The following ARHGEF12 variants were observed in gnomAD, a reference collection of about 807,000 sequenced individuals.
ARHGEF12 encodes Rho guanine nucleotide exchange factor 12.
Under a neutral mutation model 211.2 loss-of-function variants are expected in ARHGEF12, and 66 were observed. That is an observed-to-expected ratio of 0.31 (90% CI 0.26 to 0.38). The LOEUF is 0.38. Ranked by LOEUF, ARHGEF12 falls within the 10% of genes least tolerant of loss-of-function variation. The pLI, the probability that ARHGEF12 is intolerant of heterozygous loss-of-function variation, is 1.00. For missense variants in ARHGEF12, 1,429 were observed against 1,869.5 expected (o/e 0.76, Z 4.34); for synonymous variants, 592 against 638.4 (o/e 0.93, Z 1.09).
chr11:120,474,705 A>C, intron 32 of ARHGEF12, 70 bp downstream of exon 32: 1 of 1,235,338 alleles, frequency 8.1e-7, no homozygotes, highest in Non-Finnish European at 1.2e-6. Context: ...GTTTCCTATG[A>C]CAAAGGGAAG....
chr11:120,382,240 T>C (rs1229098978), intron 1 of ARHGEF12, among the ~76,000 whole-genome samples: 2 of 152,252 alleles, frequency 1.3e-5, no homozygotes, highest in African/African-American at 2.4e-5. Context: ...ACTCTGTGTT[T>C]AACTTTCGAC....
chr11:120,379,925 T>C (rs960730516), intron 1 of ARHGEF12, among the ~76,000 whole-genome samples: 3 of 152,222 alleles, frequency 2.0e-5, no homozygotes, highest in African/African-American at 7.2e-5. Context: ...AGTTTTCTTG[T>C]AATGTCATTG....
At chr11:120,398,464 G>A (rs988527398) in intron 1 of ARHGEF12, among the ~76,000 whole-genome samples, 1 of 152,120 alleles carries the variant, frequency 6.6e-6, no homozygotes. Context: ...AGTGTAAAAT[G>A]GCATGCATAT....
chr11:120,423,295 G>A (rs11823264), intron 6 of ARHGEF12, among the ~76,000 whole-genome samples: 29,939 of 152,032 alleles, frequency 0.2, 3,156 homozygotes, highest in African/African-American at 0.25. Context: ...TCATGAGTTC[G>A]TTGTGAGTAT....
intron 1 of ARHGEF12, among the ~76,000 whole-genome samples, chr11:120,342,816 A>T (rs1230101452): frequency 1.3e-5 from 2 of 152,346 alleles, no homozygotes; most frequent in Non-Finnish European, 2.9e-5. Context: ...AATGTAACAA[A>T]TGTTATCAAT....
chr11:120,428,107 C>G lies in ARHGEF12; in HGVS notation c.445C>G (p.Pro149Ala). Residue 149 changes from proline to alanine, a missense_variant, in exon 8 of 41, where the codon CCT (proline) becomes GCT (alanine). Pro to Ala is a conservative substitution (Grantham distance 27, BLOSUM62 -1). Transcript: ENST00000397843. ...YVALTVQGRP[P>A]GSPQIPLADS... ...AGCTCTCACTGTTCAGGGACGCCCA[C>G]CTGGGTCGCCCCAGATTCCACTTGC... 6.2e-7 allele frequency: 1 copy of G among 1,608,200 alleles called. No homozygotes were observed. The highest frequency in any genetic ancestry group is 8.5e-7 in the Non-Finnish European group (1 of 1,177,584).
intron 1 of ARHGEF12, among the ~76,000 whole-genome samples, chr11:120,388,259 G>T (rs1388364950): frequency 6.6e-6 from 1 of 152,086 alleles, no homozygotes; most frequent in Non-Finnish European, 1.5e-5. Context: ...CTTTTACTCT[G>T]CATAATTATT....
In ARHGEF12 at chr11:120,458,215, A is replaced by G. The variant is rs770870380; in HGVS notation, c.2361A>G (p.Lys787=). 6.2e-7 allele frequency: 1 copy of G among 1,613,768 alleles called. No individual in the cohort carries two copies. The highest frequency in any genetic ancestry group is 2.2e-5 in the East Asian group (1 of 44,852). The change falls in exon 25 of 41, where the codon AAA becomes AAG. Residue 787 remains lysine (K), a synonymous_variant. Transcript: ENST00000397843. ...VLLGLKPCEI[K]RQEVINELFY... ...TGGGACTAAAACCTTGTGAAATCAAAAGACAGGAAGTGATTAATGGTGAGT... is the reference window on the plus strand; with the variant it reads ...TGGGACTAAAACCTTGTGAAATCAAGAGACAGGAAGTGATTAATGGTGAGT...
At chr11:120,472,803 C>T (rs1325931255) in intron 30 of ARHGEF12, among the ~76,000 whole-genome samples, 1 of 151,988 alleles carries the variant, frequency 6.6e-6, no homozygotes, top group Non-Finnish European at 1.5e-5. Flanking sequence ...CACAGGCGCC[C>T]GCCACCATGC....
chr11:120,474,159 G>A (rs528585411), intron 31 of ARHGEF12, among the ~76,000 whole-genome samples: 4 of 152,278 alleles, frequency 2.6e-5, no homozygotes, highest in African/African-American at 9.6e-5. Context: ...TTTGAAATTA[G>A]AGCCTTGGAA....
chr11:120,409,132 G>T (rs1047463262), intron 3 of ARHGEF12: 6 of 428,208 alleles, frequency 1.4e-5, no homozygotes, highest in South Asian at 3.3e-5. Flanking sequence ...CAATTATCAG[G>T]TGATATATTT....
intron 24 of ARHGEF12, 103 bp from the exon 25 acceptor site, chr11:120,457,977 G>A: frequency 7.2e-7 from 1 of 1,382,738 alleles, no homozygotes; most frequent in East Asian, 2.5e-5. Flanking sequence ...TGCTAAGTCA[G>A]ATTCAGGAAT....
intron 4 of ARHGEF12, among the ~76,000 whole-genome samples, chr11:120,417,435 G>A (rs1402891894): frequency 6.6e-6 from 1 of 151,412 alleles, no homozygotes; most frequent in Non-Finnish European, 1.5e-5. Context: ...AAGGGAGGTT[G>A]TGAAATATTT....
chr11:120,417,832 A>G (rs1305756697), intron 4 of ARHGEF12, among the ~76,000 whole-genome samples: 1 of 152,206 alleles, frequency 6.6e-6, no homozygotes, highest in Non-Finnish European at 1.5e-5. Context: ...GCTAGAATTT[A>G]TAAAGAATGC....
At chr11:120,342,897 T>C (rs891339958) in intron 1 of ARHGEF12, among the ~76,000 whole-genome samples, 5 of 152,220 alleles carry the variant, frequency 3.3e-5, no homozygotes, top group South Asian at 2.1e-4. Flanking sequence ...TGTTGCAATA[T>C]GATGAAATAC....
chr11:120,440,535 A>G (rs1169960021), intron 13 of ARHGEF12, among the ~76,000 whole-genome samples: 1 of 152,304 alleles, frequency 6.6e-6, no homozygotes, highest in Admixed American at 6.5e-5. Flanking sequence ...AAGGAATATG[A>G]TTAGCTAGAT....
chr11:120,471,867 C>A (rs2135958908), intron 30 of ARHGEF12, among the ~76,000 whole-genome samples: 1 of 152,222 alleles, frequency 6.6e-6, no homozygotes, highest in Non-Finnish European at 1.5e-5. Context: ...TGTACATACC[C>A]TTTGATCCAA....
In ARHGEF12 at chr11:120,361,472, G is replaced by A. The variant is rs186425605; in HGVS notation, c.32+24197G>A. The stretch of plus-strand genomic sequence containing the variant: ...CCGTCCCTGGTGCCAAAAAGGTTGG[G>A]GTCTGCTCATCTATAGAATCTATTC... On this transcript the variant is annotated intron_variant, in intron 1 of 40. Transcript: ENST00000397843. Among the ~76,000 whole-genome samples, 6 of 152,234 alleles carry A rather than the reference G, an allele frequency of 3.9e-5. No individual in the cohort carries two copies. In the East Asian group the frequency reaches 7.7e-4, roughly 20 times the overall value.
intron 1 of ARHGEF12, among the ~76,000 whole-genome samples, chr11:120,379,685 G>T (rs1352589100): frequency 6.6e-6 from 1 of 151,896 alleles, no homozygotes; most frequent in African/African-American, 2.4e-5. Context: ...GACTTGCCAG[G>T]AGGTATTTTC....
Sources: allele counts gnomAD v4.1 joint callset (sites outside exome capture counted in the v4.1 genomes callset), GRCh38; gene constraint gnomAD v4.1.1; transcripts MANE v1.5; gene names NCBI Gene and HGNC (gene_info 2026-07-23, HGNC 2026-07-21).